NT5M: variants seen among roughly 807,000 people sequenced by gnomAD.
NT5M encodes 5',3'-nucleotidase, mitochondrial, also known as 5'(3')-deoxyribonucleotidase, mitochondrial.
A neutral mutation model predicts 22.2 loss-of-function variants in NT5M; 22 were observed. The observed-to-expected ratio is 0.99, with a 90% CI of 0.71 to 1.41. NT5M has a LOEUF of 1.41. Among genes scored for constraint, NT5M ranks in the 40% most tolerant of loss-of-function variants. NT5M has a pLI of 0.00. For synonymous variants in NT5M, 167 were observed against 133.0 expected, an observed-to-expected ratio of 1.26 and a Z score of -1.76; for missense variants, 322 against 314.8, an observed-to-expected ratio of 1.02 and a Z score of -0.17.
In NT5M at chr17:17,346,795, C is replaced by G. The variant is rs757487081; in HGVS notation, c.545-10C>G. 3.2e-5 allele frequency: 51 copies of G among 1,606,314 alleles called. No homozygotes were observed. In the East Asian group the frequency reaches 1.1e-3, roughly 36 times the overall value. On this transcript the variant is annotated splice_polypyrimidine_tract_variant and intron_variant, in intron 4 of 4. Coordinates refer to ENST00000389022, the MANE Select transcript of NT5M (RefSeq NM_020201.4). ...CACTGCTGAGCTGAATGCCGCTTTC[C>G]CACCCACAGGGGCCGAGCCAACCCC...
intron 2 of NT5M, among the ~76,000 whole-genome samples, chr17:17,309,781 A>T (rs898178251): frequency 2.5e-4 from 38 of 151,532 alleles, no homozygotes; most frequent in African/African-American, 8.9e-4. Context: ...GACAAAAGAG[A>T]AATACACAAA....
intron 2 of NT5M, among the ~76,000 whole-genome samples, chr17:17,309,127 C>CTTTT (rs35861887): frequency 7.1e-6 from 1 of 140,446 alleles, no homozygotes; most frequent in African/African-American, 2.6e-5. Flanking sequence ...TTCTTTCTTT[C>CTTTT]TTTTTTTTTT....
intron 2 of NT5M, among the ~76,000 whole-genome samples, chr17:17,307,927 G>A (rs9908360): frequency 0.77 from 116,658 of 151,832 alleles, 45,360 homozygotes; most frequent in Non-Finnish European, 0.83. Context: ...GTGGGCGCCT[G>A]TAATCCCAGC....
chr17:17,346,362 G>T (rs1434504134), intron 4 of NT5M, among the ~76,000 whole-genome samples: 1 of 152,238 alleles, frequency 6.6e-6, no homozygotes, highest in African/African-American at 2.4e-5. Flanking sequence ...GTGATCAGCG[G>T]CTGGTGAGCT....
At chr17:17,308,368 C>T (rs1174034487) in intron 2 of NT5M, among the ~76,000 whole-genome samples, 10 of 151,968 alleles carry the variant, frequency 6.6e-5, no homozygotes, top group Middle Eastern at 3.4e-3. Context: ...TCGAGGCGGG[C>T]GGATCAAGAG....
Position 17,346,904 on chromosome 17 carries a change from C to G in NT5M, c.644C>G (p.Ala215Gly). ...QPPRRRLHSW[A>G]DDWKAILDSK... ...CCCCGCCGCAGGCTGCACTCGTGGG[C>G]GGACGACTGGAAGGCCATTCTGGAC... The change falls in exon 5 of 5, where the codon GCG becomes GGG. Residue 215 changes from alanine to glycine, a missense_variant. Ala to Gly is a moderately conservative substitution (Grantham distance 60). Coordinates refer to ENST00000389022, the MANE Select transcript of NT5M (RefSeq NM_020201.4). 1 of 1,611,188 alleles carries G rather than the reference C, an allele frequency of 6.2e-7. No individual in the cohort carries two copies. Among genetic ancestry groups the G allele is most frequent in the Non-Finnish European group, 8.5e-7 (1 of 1,179,946 alleles).
At chr17:17,303,989 C>T (rs1307353659) in intron 1 of NT5M, 172 bp downstream of exon 1, 2 of 1,244,750 alleles carry the variant, frequency 1.6e-6, no homozygotes, top group Admixed American at 4.2e-5. Flanking sequence ...GATGCGGCCC[C>T]GCGCTCAGGA....
intron 1 of NT5M, chr17:17,304,423 T>C (rs929800895): frequency 7.4e-5 from 73 of 985,286 alleles, no homozygotes; most frequent in Non-Finnish European, 8.7e-5. Context: ...AGGTGTTCTG[T>C]CCAGGATGGA....
intron 3 of NT5M, among the ~76,000 whole-genome samples, chr17:17,329,608 T>C (rs1172511714): frequency 6.6e-6 from 1 of 152,210 alleles, no homozygotes; most frequent in African/African-American, 2.4e-5. Context: ...GAATGTGCTC[T>C]TCTGATTTGA....
chr17:17,309,316 G>A (rs1003905317), intron 2 of NT5M, among the ~76,000 whole-genome samples: 1 of 151,926 alleles, frequency 6.6e-6, no homozygotes, highest in African/African-American at 2.4e-5. Flanking sequence ...GTAGAGGTAG[G>A]ATCTACCTAT....
chr17:17,316,922 G>A (rs535944002), intron 2 of NT5M, among the ~76,000 whole-genome samples: 180 of 148,170 alleles, frequency 1.2e-3, no homozygotes, highest in Non-Finnish European at 2.2e-3. Context: ...CACCCTGTTA[G>A]CCTGGATGGT....
intron 1 of NT5M, 89 bp from the exon 2 acceptor site, chr17:17,306,454 C>A: frequency 1.2e-6 from 1 of 851,334 alleles, no homozygotes. Flanking sequence ...TGAAGAACCA[C>A]TCCCCCTATA....
intron 3 of NT5M, among the ~76,000 whole-genome samples, chr17:17,338,908 T>C (rs955722652): frequency 1.3e-5 from 2 of 151,888 alleles, no homozygotes; most frequent in Admixed American, 1.3e-4. Flanking sequence ...TTGTATTTTT[T>C]AGTAGAGACG....
chr17:17,321,539 G>A (rs999344348), intron 2 of NT5M, among the ~76,000 whole-genome samples: 6 of 151,904 alleles, frequency 3.9e-5, no homozygotes, highest in African/African-American at 1.5e-4. Context: ...TGGGGCGGGT[G>A]TGTCCTGGCT....
intron 2 of NT5M, among the ~76,000 whole-genome samples, chr17:17,322,281 G>A (rs1597772193): frequency 6.6e-6 from 1 of 152,148 alleles, no homozygotes; most frequent in Admixed American, 6.5e-5. Flanking sequence ...GAAGGCAGAC[G>A]CTGCCCTCAC....
At chr17:17,328,152 C>G (rs1326043806) in intron 3 of NT5M, among the ~76,000 whole-genome samples, 3 of 152,164 alleles carry the variant, frequency 2.0e-5, no homozygotes, top group Non-Finnish European at 4.4e-5. Context: ...AGGGGCTAGG[C>G]TGGACCACAT....
intron 3 of NT5M, among the ~76,000 whole-genome samples, chr17:17,329,185 A>G (rs976446896): frequency 6.6e-6 from 1 of 152,090 alleles, no homozygotes; most frequent in African/African-American, 2.4e-5. Context: ...TCACTGTGTT[A>G]GCCAGGATGG....
chr17:17,309,803 G>C (rs1222326744), intron 2 of NT5M, among the ~76,000 whole-genome samples: 1 of 150,110 alleles, frequency 6.7e-6, no homozygotes, highest in Non-Finnish European at 1.5e-5. Context: ...ATTGGACTAC[G>C]CCAAAAGTAA....
chr17:17,347,033 G>C lies in NT5M; in HGVS notation c.*86G>C. On this transcript the variant is annotated 3_prime_UTR_variant, in exon 5 of 5. Coordinates refer to ENST00000389022, the MANE Select transcript of NT5M (RefSeq NM_020201.4). Reference sequence around the variant, plus strand: ...CTGTGGGGCCAGTATGCTGGTCTGGGAGTCCCTCCTAGACTCCTGGGCCCC... The same window carrying C: ...CTGTGGGGCCAGTATGCTGGTCTGGCAGTCCCTCCTAGACTCCTGGGCCCC... The C allele has an allele frequency of 1.3e-6, 2 of 1,526,452 alleles. No individual in the cohort carries two copies. The highest frequency in any genetic ancestry group is 2.4e-5 in the South Asian group (2 of 81,788). 94.6% of individuals were successfully genotyped at this position (1,526,452 alleles called of 1,614,324 possible).
Sources: gnomAD v4.1 joint callset for allele counts (sites outside exome capture counted in the v4.1 genomes callset) on GRCh38, gnomAD v4.1.1 for gene constraint, MANE v1.5 for transcripts, NCBI Gene and HGNC (gene_info 2026-07-23, HGNC 2026-07-21) for gene names.